LRP1B: variants seen among roughly 807,000 people sequenced by gnomAD.
LRP1B encodes low-density lipoprotein receptor-related protein 1B.
Under a neutral mutation model 556.6 loss-of-function variants are expected in LRP1B, and 217 were observed. That is an observed-to-expected ratio of 0.39 (90% CI 0.35 to 0.44). LRP1B has a LOEUF of 0.44. Ranked by LOEUF, LRP1B falls within the 20% of genes least tolerant of loss-of-function variation. LRP1B has a pLI of 1.00. For synonymous variants in LRP1B, 2,047 were observed against 1,865.8 expected (o/e 1.10, Z -2.50); for missense variants, 5,053 against 5,620.8 (o/e 0.90, Z 3.23).
At chr2:141,196,071 G>A (rs1393237919) in intron 6 of LRP1B, among the ~76,000 whole-genome samples, 1 of 152,104 alleles carries the variant, frequency 6.6e-6, no homozygotes, top group Non-Finnish European at 1.5e-5. Flanking sequence ...AGGTAGCAAA[G>A]ATAGGCAGGG....
chr2:140,371,618 T>A (rs965853439), intron 69 of LRP1B, among the ~76,000 whole-genome samples: 6 of 151,716 alleles, frequency 4.0e-5, no homozygotes, highest in African/African-American at 1.4e-4. Context: ...ATGAGTTTTT[T>A]TTTTTACAAT....
At position 141,797,146 on chromosome 2, in the gene LRP1B, CATATATATATATATATATATATATATAT is replaced by C. The variant is rs6146945; in HGVS notation, c.205+13105_205+13132del. Among the ~76,000 whole-genome samples the C allele has an allele frequency of 5.7e-3, 447 of 79,094 alleles. 9 individuals are homozygous for C. The highest frequency in any genetic ancestry group is 0.023 in the African/African-American group (422 of 18,416). The allele number at this position is 79,094 out of a possible 152,430, so 51.9% of individuals were successfully genotyped here. A position where few individuals can be genotyped will look rare whatever the true frequency, so the allele number is the denominator to read the frequency against. ...GTTAAAGTTTAACTTTGAAAATAAT[CATATATATATATATATATATATATATAT>C]ATATATATATATAACTATATATATC... On this transcript the variant is annotated intron_variant, in intron 2 of 90. Coordinates refer to ENST00000389484, the MANE Select transcript of LRP1B (RefSeq NM_018557.3).
intron 1 of LRP1B, among the ~76,000 whole-genome samples, chr2:142,118,438 C>T (rs2105008440): frequency 1.3e-5 from 2 of 152,260 alleles, no homozygotes; most frequent in Non-Finnish European, 2.9e-5. Flanking sequence ...TTGGTTACTT[C>T]CCTTGGCTCT....
At chr2:140,339,501 T>A (rs2105093438) in intron 77 of LRP1B, among the ~76,000 whole-genome samples, 1 of 151,834 alleles carries the variant, frequency 6.6e-6, no homozygotes, top group South Asian at 2.1e-4. Context: ...AAATTTGAGT[T>A]GTTTTATTAA....
chr2:141,097,772 T>C (rs1328778412), intron 7 of LRP1B, among the ~76,000 whole-genome samples: 1 of 152,176 alleles, frequency 6.6e-6, no homozygotes, highest in African/African-American at 2.4e-5. Flanking sequence ...ATAGATTGGC[T>C]TATATCATAC....
In LRP1B at chr2:141,317,257, G is replaced by A. The variant is rs191659270; in HGVS notation, c.344-62616C>T. The stretch of plus-strand genomic sequence containing the variant: ...TGCCATAACAAAATACCACACACTG[G>A]GTATCTTAAAAAACAGAAATTTATT... On this transcript the variant is annotated intron_variant, in intron 3 of 90. Transcript: ENST00000389484. Among the ~76,000 whole-genome samples, 5 of 152,116 alleles carry A rather than the reference G, an allele frequency of 3.3e-5. No homozygotes were observed. The East Asian group carries it at 9.7e-4, about 29-fold the overall frequency.
intron 3 of LRP1B, among the ~76,000 whole-genome samples, chr2:141,453,687 G>A (rs1282336135): frequency 2.6e-5 from 4 of 152,110 alleles, no homozygotes; most frequent in African/African-American, 7.2e-5. Context: ...GGAAGCCGAG[G>A]CAGGTGGATG....
chr2:142,100,868 A>C (rs376460884), intron 1 of LRP1B, among the ~76,000 whole-genome samples: 1 of 151,926 alleles, frequency 6.6e-6, no homozygotes, highest in South Asian at 2.1e-4. Context: ...CCTTGTCCCC[A>C]CACACGTTTC....
At chr2:141,066,464 C>A (rs879791631) in intron 7 of LRP1B, among the ~76,000 whole-genome samples, 1 of 151,918 alleles carries the variant, frequency 6.6e-6, no homozygotes, top group Admixed American at 6.6e-5. Context: ...GTTATGGCAC[C>A]AATCATTTCT....
intron 3 of LRP1B, among the ~76,000 whole-genome samples, chr2:141,307,575 T>C (rs1233719303): frequency 3.3e-5 from 5 of 152,156 alleles, no homozygotes. Flanking sequence ...TCAGCTAGTC[T>C]ATTTCTTTTC....
Position 140,404,363 on chromosome 2 carries a change from G to A in LRP1B, c.10415-18354C>T, listed in dbSNP as rs1016451344. 4.0e-5 allele frequency among the ~76,000 whole-genome samples: 6 copies of A among 151,592 alleles called. No homozygotes were observed. The South Asian group carries it at 6.3e-4, about 16-fold the overall frequency. On this transcript the variant is annotated intron_variant, in intron 66 of 90. Transcript: ENST00000389484. Reference sequence around the variant, plus strand: ...CTATCTTTGTATTTTTAGTAGAGACGGGGTTTCACCATGTTAGCCAGGATG... The same window carrying A: ...CTATCTTTGTATTTTTAGTAGAGACAGGGTTTCACCATGTTAGCCAGGATG...
intron 2 of LRP1B, among the ~76,000 whole-genome samples, chr2:141,616,738 C>T (rs1406210587): frequency 6.6e-6 from 1 of 152,192 alleles, no homozygotes; most frequent in East Asian, 1.9e-4. Flanking sequence ...TTTCAAACAT[C>T]CATCTGTGGC....
chr2:140,284,616 ATC>A (rs1451194425), intron 84 of LRP1B, among the ~76,000 whole-genome samples: 2 of 151,042 alleles, frequency 1.3e-5, no homozygotes, highest in East Asian at 2.0e-4. Context: ...CTTTCTTTCT[ATC>A]TCTTTTATAT....
At chr2:141,701,274 C>T (rs1691929978) in intron 2 of LRP1B, among the ~76,000 whole-genome samples, 1 of 151,820 alleles carries the variant, frequency 6.6e-6, no homozygotes, top group South Asian at 2.1e-4. Context: ...GTCCTCTAAC[C>T]ACACTTAGCT....
At chr2:141,817,536 A>G (rs1330177314) in intron 1 of LRP1B, among the ~76,000 whole-genome samples, 1 of 152,054 alleles carries the variant, frequency 6.6e-6, no homozygotes, top group Non-Finnish European at 1.5e-5. Context: ...CCATAGCTGA[A>G]AAAAATGTAT....
chr2:140,982,235 G>A lies in LRP1B; in HGVS notation c.2812C>T (p.Arg938Cys), dbSNP rs921851032. 9.3e-6 allele frequency: 15 copies of A among 1,613,184 alleles called. No homozygotes were observed. The highest frequency in any genetic ancestry group is 1.7e-5 in the Admixed American group (1 of 59,884). ...QVDQFSCGNG[R>C]CIPRAWLCDR... Reference sequence around the variant, plus strand: ...CACAGCCATGCTCTGGGAATGCAACGCCCATTTCCGCAAGAAAACTGGTCT... The same window carrying A: ...CACAGCCATGCTCTGGGAATGCAACACCCATTTCCGCAAGAAAACTGGTCT... The change falls in exon 18 of 91, where the codon CGT becomes TGT. Residue 938 changes from arginine (R) to cysteine (C), a missense_variant. By Grantham distance (180) the Arg-to-Cys change is radical. Coordinates refer to ENST00000389484, the MANE Select transcript of LRP1B (RefSeq NM_018557.3).
At chr2:141,179,148 T>G (rs886252282) in intron 7 of LRP1B, among the ~76,000 whole-genome samples, 6 of 152,062 alleles carry the variant, frequency 3.9e-5, no homozygotes, top group Admixed American at 3.9e-4. Flanking sequence ...AACAGAAAAT[T>G]TTTGTTTTTG....
At chr2:141,924,521 G>T (rs1480522382) in intron 1 of LRP1B, among the ~76,000 whole-genome samples, 4 of 152,142 alleles carry the variant, frequency 2.6e-5, no homozygotes, top group African/African-American at 4.8e-5. Context: ...GGTCCATCGA[G>T]CTGGTTAACA....
intron 1 of LRP1B, among the ~76,000 whole-genome samples, chr2:142,049,381 T>G (rs1704369309): frequency 6.6e-6 from 1 of 152,130 alleles, no homozygotes; most frequent in African/African-American, 2.4e-5. Flanking sequence ...ATAGCTTTAT[T>G]GCAACTTTTA....
Sources: gnomAD v4.1 joint callset for allele counts (sites outside exome capture counted in the v4.1 genomes callset) on GRCh38, gnomAD v4.1.1 for gene constraint, MANE v1.5 for transcripts, NCBI Gene and HGNC (gene_info 2026-07-23, HGNC 2026-07-21) for gene names.